FGF14: variants seen among roughly 807,000 people sequenced by gnomAD.
The protein encoded by FGF14 is fibroblast growth factor 14.
Under a neutral mutation model 25.5 loss-of-function variants are expected in FGF14, and 5 were observed. That is an observed-to-expected ratio of 0.20 (90% CI 0.10 to 0.41). The LOEUF (loss-of-function observed/expected upper bound fraction) is 0.41. FGF14 is among the 10% of genes least tolerant of loss of function. The pLI, the probability that FGF14 is intolerant of heterozygous loss-of-function variation, is 1.00. For missense variants in FGF14, 222 were observed against 320.1 expected (o/e 0.69, Z 2.34); for synonymous variants, 138 against 118.3 (o/e 1.17, Z -1.08).
At chr13:101,895,625 G>T (rs116135619) in intron 1 of FGF14, among the ~76,000 whole-genome samples, 2 of 152,272 alleles carry the variant, frequency 1.3e-5, no homozygotes, top group African/African-American at 4.8e-5. Context: ...CTGCCCGAGA[G>T]AAGTAACTTT....
At chr13:102,017,220 C>T (rs1464855940) in intron 1 of FGF14, among the ~76,000 whole-genome samples, 1 of 151,992 alleles carries the variant, frequency 6.6e-6, no homozygotes, top group South Asian at 2.1e-4. Flanking sequence ...TGGATGTGTG[C>T]TGGGGGAGAA....
intron 1 of FGF14, among the ~76,000 whole-genome samples, chr13:102,346,229 A>G (rs2057101406): frequency 6.6e-6 from 1 of 152,210 alleles, no homozygotes; most frequent in Non-Finnish European, 1.5e-5. Flanking sequence ...ACCTAATTTA[A>G]AGACATTGTA....
chr13:102,291,674 T>TCCAACC (rs1448254303), intron 1 of FGF14, among the ~76,000 whole-genome samples: 1 of 152,084 alleles, frequency 6.6e-6, no homozygotes, highest in African/African-American at 2.4e-5. Flanking sequence ...GAAAGAATGT[T>TCCAACC]AAAGACTTGA....
intron 3 of FGF14, among the ~76,000 whole-genome samples, chr13:101,741,377 C>A (rs1456606762): frequency 6.6e-6 from 1 of 152,082 alleles, no homozygotes; most frequent in Non-Finnish European, 1.5e-5. Context: ...ATGAGCAGTA[C>A]TATAGTAGGA....
intron 1 of FGF14, among the ~76,000 whole-genome samples, chr13:102,384,381 G>A (rs549513659): frequency 6.6e-6 from 1 of 152,198 alleles, no homozygotes; most frequent in South Asian, 2.1e-4. Flanking sequence ...TATGTCTACT[G>A]GAAGGCAAAT....
chr13:101,927,903 T>G (rs1366193932), intron 1 of FGF14, among the ~76,000 whole-genome samples: 1 of 152,208 alleles, frequency 6.6e-6, no homozygotes, highest in Non-Finnish European at 1.5e-5. Flanking sequence ...CAGACAGGAA[T>G]AGTCCCAGGT....
At chr13:102,205,983 G>C (rs2049893606) in intron 1 of FGF14, among the ~76,000 whole-genome samples, 1 of 54,024 alleles carries the variant, frequency 1.9e-5, no homozygotes, top group African/African-American at 5.7e-5. Context: ...GCTCCCTGTG[G>C]TAAAAAAAAA....
chr13:102,110,927 G>T (rs1029621317), intron 1 of FGF14, among the ~76,000 whole-genome samples: 1 of 152,142 alleles, frequency 6.6e-6, no homozygotes, highest in Non-Finnish European at 1.5e-5. Context: ...AACTGACAAA[G>T]GTTCCCATTA....
chr13:102,097,372 G>T (rs978405183), intron 1 of FGF14, among the ~76,000 whole-genome samples: 3 of 152,108 alleles, frequency 2.0e-5, no homozygotes, highest in Non-Finnish European at 2.9e-5. Context: ...ACTATCCCTT[G>T]GTGAAGCTGT....
At chr13:102,097,820 G>A (rs750129258) in intron 1 of FGF14, among the ~76,000 whole-genome samples, 12 of 152,298 alleles carry the variant, frequency 7.9e-5, no homozygotes, top group Admixed American at 2.0e-4. Flanking sequence ...GAGCAGAGAC[G>A]ATCAGAAAAT....
chr13:101,921,900 C>T (rs1220791013), upstream of FGF14, among the ~76,000 whole-genome samples: 2 of 152,216 alleles, frequency 1.3e-5, no homozygotes, highest in African/African-American at 4.8e-5. Context: ...TAAACACAGA[C>T]ATTTCCTTCT....
chr13:102,389,390 G>A (rs911868730), intron 1 of FGF14, among the ~76,000 whole-genome samples: 3 of 152,104 alleles, frequency 2.0e-5, no homozygotes, highest in African/African-American at 7.2e-5. Flanking sequence ...TTTTTCTAAA[G>A]AGTAAATACA....
chr13:101,896,927 T>C (rs889739555), intron 1 of FGF14, among the ~76,000 whole-genome samples: 10 of 152,142 alleles, frequency 6.6e-5, no homozygotes, highest in Non-Finnish European at 1.0e-4. Context: ...CTGATAATCA[T>C]TGAAACTGCT....
chr13:101,907,988 T>C (rs564782625), intron 1 of FGF14, among the ~76,000 whole-genome samples: 11 of 152,240 alleles, frequency 7.2e-5, no homozygotes, highest in African/African-American at 2.6e-4. Flanking sequence ...TAAAAGCAGT[T>C]GTGGAGTATG....
intron 1 of FGF14, among the ~76,000 whole-genome samples, chr13:102,243,390 T>A (rs761628168): frequency 6.6e-6 from 1 of 152,092 alleles, no homozygotes; most frequent in Non-Finnish European, 1.5e-5. Context: ...AATTCAAAAA[T>A]GTTTTAAAGT....
At chr13:102,265,840 C>T (rs1017759645) in intron 1 of FGF14, among the ~76,000 whole-genome samples, 3 of 151,868 alleles carry the variant, frequency 2.0e-5, no homozygotes, top group Non-Finnish European at 2.9e-5. Flanking sequence ...TAAATTGATG[C>T]AAATGCTTAC....
chr13:102,320,090 C>T (rs1464598149), intron 1 of FGF14, among the ~76,000 whole-genome samples: 1 of 151,974 alleles, frequency 6.6e-6, no homozygotes, highest in African/African-American at 2.4e-5. Context: ...CGTGTGTGTG[C>T]TCCCAAAGCA....
chr13:102,091,229 C>G (rs1382042200), intron 1 of FGF14, among the ~76,000 whole-genome samples: 1 of 152,134 alleles, frequency 6.6e-6, no homozygotes, highest in African/African-American at 2.4e-5. Context: ...TACTCTTTGT[C>G]TCTCGGTTCT....
At chr13:101,854,400 G>C (rs2044017959) in intron 3 of FGF14, among the ~76,000 whole-genome samples, 1 of 152,058 alleles carries the variant, frequency 6.6e-6, no homozygotes, top group Non-Finnish European at 1.5e-5. Flanking sequence ...AGAACTGTCA[G>C]AGAGAGGAGA....
Sources: allele counts gnomAD v4.1 joint callset (sites outside exome capture counted in the v4.1 genomes callset), GRCh38; gene constraint gnomAD v4.1.1; transcripts MANE v1.5; gene names NCBI Gene and HGNC (gene_info 2026-07-23, HGNC 2026-07-21).